Variants in GIGYF2 observed in about 807,000 individuals in gnomAD.
GIGYF2 encodes GRB10-interacting GYF protein 2.
Under a neutral mutation model 208.1 loss-of-function variants are expected in GIGYF2, and 25 were observed. The ratio of observed to expected loss-of-function variants is 0.12; its 90% CI spans 0.09 to 0.17. The LOEUF (loss-of-function observed/expected upper bound fraction) is 0.17, where lower values mean the gene tolerates loss of function less well. Among genes scored for constraint, GIGYF2 ranks in the 10% least tolerant of loss-of-function variants. The probability of loss-of-function intolerance (pLI) is 1.00; values close to 1 mark genes in which losing one functional copy is unlikely to be tolerated. For missense variants in GIGYF2, 1,302 were observed against 1,579.4 expected (o/e 0.82, Z 2.98); for synonymous variants, 534 against 543.8 (o/e 0.98, Z 0.25).
intron 21 of GIGYF2, among the ~76,000 whole-genome samples, chr2:232,823,079 T>C (rs570049122): frequency 1.4e-4 from 22 of 152,274 alleles, no homozygotes; most frequent in African/African-American, 5.1e-4. Flanking sequence ...GTAAAATGCT[T>C]TATCTGCATT....
intron 14 of GIGYF2, among the ~76,000 whole-genome samples, chr2:232,805,422 G>T (rs770322208): frequency 4.6e-5 from 7 of 151,954 alleles, no homozygotes; most frequent in Non-Finnish European, 8.8e-5. Flanking sequence ...TCTTCTATGT[G>T]TATTGACCCT....
At chr2:232,776,931 C>CTT in intron 8 of GIGYF2, 1 of 147,196 alleles carries the variant, frequency 6.8e-6, no homozygotes, top group South Asian at 2.1e-4. Flanking sequence ...CTTTACTAAT[C>CTT]TTTTTTTTTT....
intron 22 of GIGYF2, among the ~76,000 whole-genome samples, chr2:232,838,697 C>G (rs1701724984): frequency 6.6e-6 from 1 of 152,158 alleles, no homozygotes; most frequent in African/African-American, 2.4e-5. Context: ...TACTGCCTTA[C>G]TTGATCTTGA....
intron 2 of GIGYF2, among the ~76,000 whole-genome samples, chr2:232,710,286 G>C (rs899476842): frequency 2.0e-5 from 3 of 151,950 alleles, no homozygotes; most frequent in Non-Finnish European, 4.4e-5. Flanking sequence ...AGGGGATCTC[G>C]CTATGTTACC....
chr2:232,796,274 A>C, intron 14 of GIGYF2, 53 bp downstream of exon 14: 1 of 1,115,858 alleles, frequency 9.0e-7, no homozygotes, highest in Non-Finnish European at 1.4e-6. Flanking sequence ...TTACCTCCAG[A>C]ATCTCTAAGA....
At chr2:232,847,722 T>C in intron 27 of GIGYF2, 151 bp downstream of exon 27, 1 of 1,120,368 alleles carries the variant, frequency 8.9e-7, no homozygotes, top group Non-Finnish European at 1.3e-6. Context: ...ATTTTCAAAT[T>C]ACTTGTCCAG....
chr2:232,847,637 A>G (rs574368572), intron 27 of GIGYF2, 66 bp downstream of exon 27: 41 of 1,590,794 alleles, frequency 2.6e-5, no homozygotes, highest in Middle Eastern at 2.3e-4. Flanking sequence ...GAGTAACCCA[A>G]GAAATGAAAA....
chr2:232,749,623 A>T (rs1436832295), intron 5 of GIGYF2, among the ~76,000 whole-genome samples: 1 of 152,136 alleles, frequency 6.6e-6, no homozygotes, highest in Admixed American at 6.6e-5. Flanking sequence ...GTGCAAAGAA[A>T]ATAAAAGAGT....
chr2:232,829,244 A>G (rs1701342592), intron 21 of GIGYF2, among the ~76,000 whole-genome samples: 1 of 152,150 alleles, frequency 6.6e-6, no homozygotes, highest in Non-Finnish European at 1.5e-5. Context: ...TTTTATTGTT[A>G]CGAAATGTTC....
At chr2:232,833,815 G>A (rs964162627) in intron 22 of GIGYF2, among the ~76,000 whole-genome samples, 1 of 152,044 alleles carries the variant, frequency 6.6e-6, no homozygotes, top group African/African-American at 2.4e-5. Flanking sequence ...TTGGCCATAG[G>A]CATTTATTGA....
chr2:232,844,128 A>T lies in GIGYF2; in HGVS notation c.2972A>T (p.Asn991Ile). Residue 991 changes from asparagine (N) to isoleucine (I), a missense_variant, in exon 24 of 29, where the codon AAT (asparagine) becomes ATT (isoleucine). Coordinates refer to ENST00000373563, the MANE Select transcript of GIGYF2 (RefSeq NM_001103146.3). ...QQQQKLSGWGNVSKPSGTTKS... is the reference protein window; with the variant it reads ...QQQQKLSGWGIVSKPSGTTKS... ...CAGCAGAAACTCTCAGGTTGGGGGA[A>T]TGTCAGCAAACCTTCAGGTACCACG... 1.3e-6 allele frequency: 2 copies of T among 1,591,568 alleles called. No homozygotes were observed. The highest frequency in any genetic ancestry group is 1.7e-6 in the Non-Finnish European group (2 of 1,166,958).
At chr2:232,740,308 AAAG>A (rs1282937908) in intron 3 of GIGYF2, among the ~76,000 whole-genome samples, 2 of 152,124 alleles carry the variant, frequency 1.3e-5, no homozygotes. Context: ...CAAAAAACAA[AAAG>A]AAGACTACCC....
chr2:232,772,090 ATTTTTG>A (rs967816876), intron 8 of GIGYF2, among the ~76,000 whole-genome samples: 13 of 152,086 alleles, frequency 8.5e-5, no homozygotes, highest in Non-Finnish European at 1.9e-4. Flanking sequence ...TAGAATTTTA[ATTTTTG>A]TTGGTACTGG....
chr2:232,759,335 C>T (rs1698660895), intron 6 of GIGYF2, among the ~76,000 whole-genome samples: 1 of 152,076 alleles, frequency 6.6e-6, no homozygotes, highest in African/African-American at 2.4e-5. Context: ...CACCTAGTTA[C>T]AAATACATCC....
In GIGYF2 at chr2:232,815,369, G is replaced by A. The variant is rs548197793; in HGVS notation, c.2108-268G>A. On this transcript the variant is annotated intron_variant, in intron 18 of 28. Transcript: ENST00000373563. ...CTTAGTTTGTTCATCTGTAAAAATG[G>A]GGGTATGAATAGAAACATTATAGGG... 8.5e-5 allele frequency among the ~76,000 whole-genome samples: 13 copies of A among 152,278 alleles called. No homozygotes were observed. The South Asian group carries it at 2.5e-3, about 29-fold the overall frequency.
At position 232,856,977 on chromosome 2, in the gene GIGYF2, C is replaced by T. The variant is rs561208242; in HGVS notation, c.*117C>T. The T allele has an allele frequency of 1.5e-4, 120 of 804,922 alleles. 1 individual carries two copies. In the African/African-American group the frequency reaches 1.7e-3, roughly 12 times the overall value. 49.9% of individuals were successfully genotyped at this position (804,922 alleles called of 1,614,324 possible). On this transcript the variant is annotated 3_prime_UTR_variant, in exon 29 of 29. Coordinates refer to ENST00000373563, the MANE Select transcript of GIGYF2 (RefSeq NM_001103146.3). ...ATCACTCTGCAACAAATCACAGAACCGATCATCTCAGGCTTTTTCTTCTGG... is the reference window on the plus strand; with the variant it reads ...ATCACTCTGCAACAAATCACAGAACTGATCATCTCAGGCTTTTTCTTCTGG...
At position 232,815,625 on chromosome 2, in the gene GIGYF2, G is replaced by T. The variant is rs760861385; in HGVS notation, c.2108-12G>T. Reference sequence around the variant, plus strand: ...TCTGTCATTCCTCGTTGTTTCTTTTGTTGTCTTACAGTTTGGGAAGGTGGT... The same window carrying T: ...TCTGTCATTCCTCGTTGTTTCTTTTTTTGTCTTACAGTTTGGGAAGGTGGT... On this transcript the variant is annotated splice_polypyrimidine_tract_variant and intron_variant, in intron 18 of 28. Coordinates refer to ENST00000373563, the MANE Select transcript of GIGYF2 (RefSeq NM_001103146.3). The T allele has an allele frequency of 7.3e-7, 1 of 1,370,028 alleles. No homozygotes were observed. Among genetic ancestry groups the T allele is most frequent in the Admixed American group, 1.7e-5 (1 of 59,712 alleles). 84.9% of individuals were successfully genotyped at this position (1,370,028 alleles called of 1,614,324 possible). A position where few individuals can be genotyped will look rare whatever the true frequency, so the allele number is the denominator to read the frequency against.
chr2:232,855,959 C>T (rs1690550233), intron 28 of GIGYF2, among the ~76,000 whole-genome samples: 1 of 151,324 alleles, frequency 6.6e-6, no homozygotes, highest in Non-Finnish European at 1.5e-5. Flanking sequence ...GAGACAGAGT[C>T]TCGCTCTGTC....
chr2:232,769,375 A>G (rs33980184), intron 8 of GIGYF2, among the ~76,000 whole-genome samples: 48,001 of 151,666 alleles, frequency 0.32, 7,948 homozygotes, highest in South Asian at 0.62. Context: ...TACTAAAAAT[A>G]CAAAAATTAG....
Sources: gnomAD v4.1 joint callset for allele counts (sites outside exome capture counted in the v4.1 genomes callset) on GRCh38, gnomAD v4.1.1 for gene constraint, MANE v1.5 for transcripts, NCBI Gene and HGNC (gene_info 2026-07-23, HGNC 2026-07-21) for gene names.